The following RASA2 variants were observed in gnomAD, a reference collection of about 807,000 sequenced individuals.
RASA2 encodes RAS p21 protein activator 2.
RASA2 carries 155 observed loss-of-function variants against 118.2 expected under a neutral mutation model. The ratio of observed to expected loss-of-function variants is 1.31; its 90% CI spans 1.15 to 1.50. The LOEUF is 1.50. RASA2 is among the 40% of genes most tolerant of loss of function. The pLI is 0.00. For missense variants in RASA2, 1,016 were observed against 1,009.6 expected, an observed-to-expected ratio of 1.01 and a Z score of -0.09; for synonymous variants, 353 against 349.1, an observed-to-expected ratio of 1.01 and a Z score of -0.12.
chr3:141,494,603 G>A (rs934744426), intron 1 of RASA2, among the ~76,000 whole-genome samples: 7 of 152,162 alleles, frequency 4.6e-5, no homozygotes, highest in Admixed American at 2.6e-4. Flanking sequence ...TCCTGATCTC[G>A]TGATCTGCCT....
chr3:141,549,482 TGC>T (rs1191528588), intron 5 of RASA2, among the ~76,000 whole-genome samples: 7 of 132,280 alleles, frequency 5.3e-5, no homozygotes, highest in East Asian at 2.1e-4. Context: ...AGTGTGTGTG[TGC>T]GTGTGTGTGT....
In RASA2 at chr3:141,613,995, A is replaced by C. The variant is rs2083690156; in HGVS notation, c.*1682A>C. The C allele has an allele frequency of 6.6e-6, 1 of 152,200 alleles. No homozygotes were observed. The highest frequency in any genetic ancestry group is 2.4e-5 in the African/African-American group (1 of 41,452). 9.4% of individuals were successfully genotyped at this position (152,200 alleles called of 1,614,324 possible). A position where few individuals can be genotyped will look rare whatever the true frequency, so the allele number is the denominator to read the frequency against. On this transcript the variant is annotated 3_prime_UTR_variant, in exon 24 of 24. Coordinates refer to ENST00000286364, the MANE Select transcript of RASA2 (RefSeq NM_006506.5). ...TTTATACATTTGAAAGAATTTAGCC[A>C]TTTAATAAATTTCTTATTCTCAAAT...
chr3:141,603,033 A>G (rs1246889549), intron 19 of RASA2, among the ~76,000 whole-genome samples: 1 of 152,078 alleles, frequency 6.6e-6, no homozygotes, highest in Non-Finnish European at 1.5e-5. Flanking sequence ...TAATGGAAAC[A>G]CCCCCAGGTA....
intron 5 of RASA2, among the ~76,000 whole-genome samples, chr3:141,549,898 A>G (rs564803412): frequency 9.8e-5 from 15 of 152,308 alleles, no homozygotes; most frequent in South Asian, 4.1e-4. Context: ...AGGGACTTCA[A>G]ATTACCAAAT....
intron 6 of RASA2, among the ~76,000 whole-genome samples, chr3:141,555,135 C>T (rs2082629933): frequency 6.6e-6 from 1 of 152,138 alleles, no homozygotes; most frequent in South Asian, 2.1e-4. Flanking sequence ...GTGGCTCATG[C>T]CTGTAATCCC....
At chr3:141,592,153 T>C (rs1315779758) in intron 19 of RASA2, among the ~76,000 whole-genome samples, 1 of 151,976 alleles carries the variant, frequency 6.6e-6, no homozygotes, top group African/African-American at 2.4e-5. Context: ...AAATGATGGG[T>C]TCAGTGAGGT....
At chr3:141,592,713 G>T (rs1467964673) in intron 19 of RASA2, among the ~76,000 whole-genome samples, 2 of 152,070 alleles carry the variant, frequency 1.3e-5, no homozygotes, top group Non-Finnish European at 2.9e-5. Flanking sequence ...GTACCCAGAG[G>T]AGTTAGATAC....
At chr3:141,545,434 GGAGA>G (rs1446868975) in intron 5 of RASA2, among the ~76,000 whole-genome samples, 1 of 151,460 alleles carries the variant, frequency 6.6e-6, no homozygotes, top group Non-Finnish European at 1.5e-5. Context: ...AGCAGGAACA[GGAGA>G]GAGAGTGGGG....
chr3:141,590,288 G>T, intron 19 of RASA2: 1 of 390,590 alleles, frequency 2.6e-6, no homozygotes, highest in Non-Finnish European at 5.1e-6. Context: ...GCAGCTAAAT[G>T]CCTTGGACTG....
At position 141,614,242 on chromosome 3, in the gene RASA2, A is replaced by G. The variant is rs760427923; in HGVS notation, c.*1929A>G. The G allele has an allele frequency of 2.6e-5, 4 of 152,166 alleles. No homozygotes were observed. The highest frequency in any genetic ancestry group is 5.9e-5 in the Non-Finnish European group (4 of 68,026). 9.4% of individuals were successfully genotyped at this position (152,166 alleles called of 1,614,324 possible). A position where few individuals can be genotyped will look rare whatever the true frequency, so the allele number is the denominator to read the frequency against. On this transcript the variant is annotated 3_prime_UTR_variant, in exon 24 of 24. Coordinates refer to ENST00000286364, the MANE Select transcript of RASA2 (RefSeq NM_006506.5). ...GATCACAGGGACCAAGGCTGTGTGC[A>G]TATATAACTCTGGATTTGAAAGGAG...
rs1408769521 is a variant in RASA2 at position 141,586,687 on chromosome 3, A to G, written c.1868A>G (p.Lys623Arg). Residue 623 changes from lysine to arginine, a missense_variant, in exon 19 of 24, where the codon AAA becomes AGA. Lys to Arg is a conservative substitution (Grantham distance 26, BLOSUM62 2). Transcript: ENST00000286364. The part of the protein sequence containing the change: ...KRAQGRTRIG[K>R]KNFKKRWFCL... ...GCTCAAGGAAGAACTCGGATTGGAA[A>G]AAAGAATTTTAAGAAACGATGGTTC... 1.9e-6 allele frequency: 3 copies of G among 1,613,572 alleles called. No individual in the cohort carries two copies. Among genetic ancestry groups the G allele is most frequent in the Non-Finnish European group, 2.5e-6 (3 of 1,179,724 alleles).
intron 9 of RASA2, among the ~76,000 whole-genome samples, chr3:141,567,764 T>C (rs1161065747): frequency 6.6e-6 from 1 of 152,192 alleles, no homozygotes; most frequent in East Asian, 1.9e-4. Flanking sequence ...TTCCTCAGTA[T>C]AAGTAACCAG....
rs111498052 is a variant in RASA2, at chr3:141,601,455, A to C, written c.1934-6223A>C. Among the ~76,000 whole-genome samples the C allele has an allele frequency of 1.8e-3, 223 of 121,510 alleles. 4 individuals carry two copies. The highest frequency in any genetic ancestry group is 7.3e-3 in the African/African-American group (214 of 29,178). 79.7% of individuals were successfully genotyped at this position (121,510 alleles called of 152,430 possible). On this transcript the variant is annotated intron_variant, in intron 19 of 23. Transcript: ENST00000286364. Reference sequence around the variant, plus strand: ...CTCCACTGTCTCCAAAAAAAAAGAAAAAAAAAAGATGATAGAATCATAGAC... The same window carrying C: ...CTCCACTGTCTCCAAAAAAAAAGAACAAAAAAAGATGATAGAATCATAGAC...
rs74356793 is a variant in RASA2, at chr3:141,544,791, A to G, written c.527+4182A>G. On this transcript the variant is annotated intron_variant, in intron 5 of 23. Coordinates refer to ENST00000286364, the MANE Select transcript of RASA2 (RefSeq NM_006506.5). ...AAAGAAAATGCAGTACATACATGCC[A>G]TGGAATACTAGCCGTAAAAAAGAAA... 4.1e-4 allele frequency among the ~76,000 whole-genome samples: 62 copies of G among 152,362 alleles called. 2 individuals are homozygous for G. In the East Asian group the frequency reaches 9.4e-3, roughly 23 times the overall value.
At chr3:141,510,541 T>C (rs2081935860) in intron 1 of RASA2, among the ~76,000 whole-genome samples, 1 of 152,086 alleles carries the variant, frequency 6.6e-6, no homozygotes, top group Non-Finnish European at 1.5e-5. Flanking sequence ...TGAACAGAAA[T>C]TTAGATAATC....
chr3:141,509,886 A>G (rs1224733719), intron 1 of RASA2, among the ~76,000 whole-genome samples: 1 of 152,228 alleles, frequency 6.6e-6, no homozygotes, highest in Non-Finnish European at 1.5e-5. Context: ...GCAGTTAATT[A>G]AATTAATCAT....
rs148040904 is a variant in RASA2, at chr3:141,513,113, T to C, written c.251+833T>C. 1.4e-3 allele frequency among the ~76,000 whole-genome samples: 204 copies of C among 149,984 alleles called. 5 individuals are homozygous for C. In the East Asian group the frequency reaches 0.023, roughly 17 times the overall value. On this transcript the variant is annotated intron_variant, in intron 2 of 23. Coordinates refer to ENST00000286364, the MANE Select transcript of RASA2 (RefSeq NM_006506.5). Reference sequence around the variant, plus strand: ...ACGAAAAACAGGGTGTGGGGTATTATTGGAATGAGCATGTGGTGGATGAAA... The same window carrying C: ...ACGAAAAACAGGGTGTGGGGTATTACTGGAATGAGCATGTGGTGGATGAAA...
chr3:141,571,608 A>T, intron 11 of RASA2, 54 bp downstream of exon 11: 1 of 1,519,298 alleles, frequency 6.6e-7, no homozygotes, highest in Non-Finnish European at 9.0e-7. Context: ...ATTGGACCTT[A>T]GTTTGACAGA....
intron 1 of RASA2, among the ~76,000 whole-genome samples, chr3:141,511,904 T>C (rs139964110): frequency 6.6e-6 from 1 of 152,136 alleles, no homozygotes; most frequent in African/African-American, 2.4e-5. Context: ...AGAGCACAAG[T>C]AGAGGGATTA....
Sources: gnomAD v4.1 joint callset for allele counts (sites outside exome capture counted in the v4.1 genomes callset) on GRCh38, gnomAD v4.1.1 for gene constraint, MANE v1.5 for transcripts, NCBI Gene and HGNC (gene_info 2026-07-23, HGNC 2026-07-21) for gene names.